MAP7D2: variants seen among roughly 807,000 people sequenced by gnomAD.
MAP7D2 encodes the protein MAP7 domain containing 2, also known as MAP7 domain-containing protein 2.
In MAP7D2, 33 loss-of-function variants were observed where a neutral mutation model predicts 63.5. The ratio of observed to expected loss-of-function variants is 0.52; its 90% CI spans 0.39 to 0.70. The LOEUF (loss-of-function observed/expected upper bound fraction) is 0.70, where lower values mean the gene tolerates loss of function less well. MAP7D2 is among the 30% of genes least tolerant of loss of function. The pLI is 0.00. For missense variants in MAP7D2, 626 were observed against 604.0 expected (o/e 1.04, Z -0.38); for synonymous variants, 224 against 223.7 (o/e 1.00, Z -0.01).
chrX:20,040,937 C>G (rs1251787197), intron 8 of MAP7D2, among the ~76,000 whole-genome samples: 1 of 111,188 alleles, frequency 9.0e-6, no homozygotes, highest in Non-Finnish European at 1.9e-5. Context: ...GTAAAACAAA[C>G]AACAACAACA....
chrX:20,055,606 A>G, intron 4 of MAP7D2: 2 of 321,196 alleles, frequency 6.2e-6, no homozygotes, highest in Non-Finnish European at 1.1e-5. Context: ...CATTGCTAGG[A>G]AAAAAAAATT....
At chrX:20,034,906 C>T (rs1274305515) in intron 8 of MAP7D2, among the ~76,000 whole-genome samples, 1 of 111,517 alleles carries the variant, frequency 9.0e-6, no homozygotes, top group Non-Finnish European at 1.9e-5. Context: ...AAAATACTAA[C>T]ACCAAGCAAT....
chrX:20,027,070 T>C (rs1188115013), intron 8 of MAP7D2, among the ~76,000 whole-genome samples: 1 of 112,215 alleles, frequency 8.9e-6, no homozygotes, highest in African/African-American at 3.2e-5. Flanking sequence ...AGGGGAAATA[T>C]GATCAGATCA....
chrX:20,017,843 G>A (rs73445234), intron 10 of MAP7D2, among the ~76,000 whole-genome samples: 33,179 of 110,733 alleles, frequency 0.3, 4,830 homozygotes, highest in African/African-American at 0.57. Context: ...CTTTATTAAC[G>A]AGCCAATTAT....
chrX:20,059,719 A>G (rs761752083), intron 3 of MAP7D2, among the ~76,000 whole-genome samples: 1 of 107,827 alleles, frequency 9.3e-6, no homozygotes. Flanking sequence ...GAAGGAAGGA[A>G]AGAAGGAAGG....
intron 3 of MAP7D2, among the ~76,000 whole-genome samples, chrX:20,059,243 A>G (rs1421784686): frequency 9.0e-6 from 1 of 111,636 alleles, no homozygotes; most frequent in Non-Finnish European, 1.9e-5. Flanking sequence ...CCCCTGGAGG[A>G]ATTATTAAAA....
chrX:20,019,130 G>A (rs1025381696), intron 10 of MAP7D2, among the ~76,000 whole-genome samples: 3 of 110,229 alleles, frequency 2.7e-5, no homozygotes, highest in African/African-American at 6.6e-5. Context: ...AGGCTCAAGC[G>A]ATCCTCCCAC....
chrX:20,033,606 T>C (rs1378579766), intron 8 of MAP7D2, among the ~76,000 whole-genome samples: 1 of 112,508 alleles, frequency 8.9e-6, no homozygotes. Flanking sequence ...GTGGCTTAGT[T>C]TATCTGACAT....
chrX:20,065,481 A>G (rs1189742446), intron 1 of MAP7D2, among the ~76,000 whole-genome samples: 2 of 109,790 alleles, frequency 1.8e-5, no homozygotes, highest in Admixed American at 9.7e-5. Flanking sequence ...TGGCCAGGCT[A>G]GTCTCAAACT....
intron 1 of MAP7D2, among the ~76,000 whole-genome samples, chrX:20,108,344 C>T (rs1415865941): frequency 3.6e-5 from 4 of 109,735 alleles, no homozygotes; most frequent in South Asian, 4.0e-4. Context: ...AAGCGATTCT[C>T]GTGCCGCCGC....
intron 4 of MAP7D2, among the ~76,000 whole-genome samples, chrX:20,054,121 A>G (rs2065015571): frequency 8.9e-6 from 1 of 112,601 alleles, no homozygotes; most frequent in African/African-American, 3.2e-5. Context: ...TACAGGCGTG[A>G]GCCACTGCAC....
chrX:20,061,311 C>T (rs749440140), intron 3 of MAP7D2, among the ~76,000 whole-genome samples: 148 of 110,477 alleles, frequency 1.3e-3, no homozygotes, highest in Middle Eastern at 4.6e-3. Flanking sequence ...ATGTCACCCA[C>T]GAGAATGCCA....
At chrX:20,017,751 C>A (rs1007742922) in intron 10 of MAP7D2, among the ~76,000 whole-genome samples, 1 of 111,170 alleles carries the variant, frequency 9.0e-6, no homozygotes, top group African/African-American at 3.3e-5. Context: ...AATACTATGT[C>A]CAACACAGGA....
At chrX:20,070,937 T>C (rs1248269067) in intron 1 of MAP7D2, among the ~76,000 whole-genome samples, 3 of 112,627 alleles carry the variant, frequency 2.7e-5, no homozygotes, top group Non-Finnish European at 5.6e-5. Context: ...TACAAAGTTT[T>C]AAAGGGAAGC....
rs1297897396 is a variant in MAP7D2 at position 20,060,413 on chromosome X, GAAAA to G, written c.372+2997_372+3000del. Among the ~76,000 whole-genome samples, 3 of 80,349 alleles carry G rather than the reference GAAAA, an allele frequency of 3.7e-5. No homozygotes were observed. In the East Asian group the frequency reaches 1.1e-3, roughly 30 times the overall value. The allele number at this position is 80,349 out of a possible 115,157, so 69.8% of individuals were successfully genotyped here. ...AGAAAAGAAAGAAAAGAAAAGAAAA[GAAAA>G]GAGAGAGAGAGAGAGAGAAAGAAAG... is the stretch of plus-strand genomic sequence containing the variant. On this transcript the variant is annotated intron_variant, in intron 3 of 16. Transcript: ENST00000379643.
intron 8 of MAP7D2, among the ~76,000 whole-genome samples, chrX:20,039,190 T>C (rs951933932): frequency 3.6e-5 from 4 of 112,403 alleles, no homozygotes; most frequent in African/African-American, 1.3e-4. Flanking sequence ...AAGAACATGT[T>C]TGTGCATGTA....
chrX:20,115,253 A>T (rs192413559), intron 1 of MAP7D2, among the ~76,000 whole-genome samples: 1 of 108,067 alleles, frequency 9.3e-6, no homozygotes, highest in African/African-American at 3.4e-5. Context: ...AAAAAAAAAA[A>T]AAAAACCCCT....
At chrX:20,107,363 G>A (rs991071372) in intron 1 of MAP7D2, among the ~76,000 whole-genome samples, 2 of 111,144 alleles carry the variant, frequency 1.8e-5, no homozygotes, top group Admixed American at 1.9e-4. Context: ...TTGAGGTCAG[G>A]AGTTCAAGAC....
At chrX:20,083,061 T>C (rs1006531490) in intron 1 of MAP7D2, among the ~76,000 whole-genome samples, 1 of 112,249 alleles carries the variant, frequency 8.9e-6, no homozygotes, top group African/African-American at 3.2e-5. Context: ...TTTACCTCTA[T>C]CTAACCCACC....
Sources: gnomAD v4.1 joint callset for allele counts (sites outside exome capture counted in the v4.1 genomes callset) on GRCh38, gnomAD v4.1.1 for gene constraint, MANE v1.5 for transcripts, NCBI Gene and HGNC (gene_info 2026-07-23, HGNC 2026-07-21) for gene names.